THSD4: variants seen among roughly 807,000 people sequenced by gnomAD.
THSD4 encodes thrombospondin type-1 domain-containing protein 4.
A neutral mutation model predicts 119.0 loss-of-function variants in THSD4; 69 were observed. The observed-to-expected ratio is 0.58, with a 90% CI of 0.48 to 0.71. THSD4 has a LOEUF of 0.71. Among genes scored for constraint, THSD4 ranks in the 30% least tolerant of loss-of-function variants. The pLI is 0.00. For missense variants in THSD4, 1,393 were observed against 1,391.1 expected, an observed-to-expected ratio of 1.00 and a Z score of -0.02; for synonymous variants, 524 against 540.4, an observed-to-expected ratio of 0.97 and a Z score of 0.42.
chr15:71,245,518 CA>C (rs1184595696), intron 5 of THSD4, among the ~76,000 whole-genome samples: 2 of 152,108 alleles, frequency 1.3e-5, no homozygotes, highest in Admixed American at 1.3e-4. Context: ...ATTGAATAAA[CA>C]AAGCAAAATC....
rs149237020 is a variant in THSD4, at chr15:71,567,828, C to G, written c.1153-92702C>G. ...GTGTGTGGGTGTGTGTGTCTGTCTT[C>G]CCCATGAATCCCATCATGCTTGCTT... On this transcript the variant is annotated intron_variant, in intron 7 of 17. Coordinates refer to ENST00000261862, the MANE Select transcript of THSD4 (RefSeq NM_024817.3). Among the ~76,000 whole-genome samples, 8 of 152,040 alleles carry G rather than the reference C, an allele frequency of 5.3e-5. No homozygotes were observed. In the East Asian group the frequency reaches 1.5e-3, roughly 29 times the overall value.
At chr15:71,256,774 T>TG in intron 6 of THSD4, 59 bp downstream of exon 6, 8 of 1,487,488 alleles carry the variant, frequency 5.4e-6, no homozygotes, top group Non-Finnish European at 7.5e-6. Flanking sequence ...CCATTCTTGT[T>TG]GACTTCTGAT....
intron 7 of THSD4, among the ~76,000 whole-genome samples, chr15:71,446,218 G>GTTC (rs898155546): frequency 4.6e-5 from 7 of 152,252 alleles, no homozygotes; most frequent in Non-Finnish European, 8.8e-5. Context: ...TTTGTTCTTT[G>GTTC]TTCTTCTTCC....
intron 1 of THSD4, among the ~76,000 whole-genome samples, chr15:71,128,776 G>A (rs1267705411): frequency 1.3e-5 from 2 of 152,092 alleles, no homozygotes; most frequent in Non-Finnish European, 2.9e-5. Flanking sequence ...TAAAGGAGGG[G>A]GAATGAGTGT....
intron 7 of THSD4, among the ~76,000 whole-genome samples, chr15:71,538,622 G>A (rs2048717409): frequency 6.6e-6 from 1 of 152,156 alleles, no homozygotes; most frequent in Non-Finnish European, 1.5e-5. Context: ...GCATCCACAG[G>A]GCTTGTTATA....
chr15:71,464,727 T>C (rs998049498), intron 7 of THSD4, among the ~76,000 whole-genome samples: 1 of 152,220 alleles, frequency 6.6e-6, no homozygotes, highest in Non-Finnish European at 1.5e-5. Flanking sequence ...TCCTCTGCCA[T>C]AATTTTCCCA....
At position 71,242,703 on chromosome 15, in the gene THSD4, A is replaced by G. The variant is rs781146779; in HGVS notation, c.519A>G (p.Pro173=). ...GPGKYGYGKA[P]YILPLQTDTA... Reference sequence around the variant, plus strand: ...GCAAGTATGGCTATGGTAAGGCCCCATATATCTTACCACTGCAGACAGACA... The same window carrying G: ...GCAAGTATGGCTATGGTAAGGCCCCGTATATCTTACCACTGCAGACAGACA... Residue 173 remains proline (P), a synonymous_variant, in exon 5 of 18, where the codon CCA becomes CCG. Coordinates refer to ENST00000261862, the MANE Select transcript of THSD4 (RefSeq NM_024817.3). 1.1e-5 allele frequency: 18 copies of G among 1,614,016 alleles called. No homozygotes were observed. In the East Asian group the frequency reaches 3.8e-4, roughly 34 times the overall value.
chr15:71,366,303 C>T (rs4264350), intron 6 of THSD4, among the ~76,000 whole-genome samples: 58,325 of 151,938 alleles, frequency 0.38, 12,124 homozygotes, highest in East Asian at 0.64. Context: ...CTCGATCTCC[C>T]GTCCTCATGA....
chr15:71,200,116 C>T (rs530327262), intron 3 of THSD4, among the ~76,000 whole-genome samples: 3 of 152,170 alleles, frequency 2.0e-5, no homozygotes, highest in South Asian at 2.1e-4. Context: ...CATTTTCCAG[C>T]GCTCCCTGCA....
rs779207517 is a variant in THSD4 at position 71,277,128 on chromosome 15, C to CTTTTTTTTTT, written c.1015+20418_1015+20427dup. ...TATTTGTATTTGAATTCTTCTTCTT[C>CTTTTTTTTTT]TTTTTTTTTTTTTTGAAACGGAGTT... On this transcript the variant is annotated intron_variant, in intron 6 of 17. Coordinates refer to ENST00000261862, the MANE Select transcript of THSD4 (RefSeq NM_024817.3). Among the ~76,000 whole-genome samples, 25 of 123,002 alleles carry CTTTTTTTTTT rather than the reference C, an allele frequency of 2.0e-4. 2 individuals carry two copies. Among genetic ancestry groups the CTTTTTTTTTT allele is most frequent in the East Asian group, 5.4e-4 (2 of 3,698 alleles). 80.7% of individuals were successfully genotyped at this position (123,002 alleles called of 152,430 possible).
intron 7 of THSD4, among the ~76,000 whole-genome samples, chr15:71,628,710 A>G (rs1350488803): frequency 6.6e-6 from 1 of 152,224 alleles, no homozygotes; most frequent in African/African-American, 2.4e-5. Flanking sequence ...TCGAATCTTG[A>G]TCTTGATGGA....
intron 7 of THSD4, among the ~76,000 whole-genome samples, chr15:71,493,053 A>G (rs2047947302): frequency 6.6e-6 from 1 of 152,240 alleles, no homozygotes; most frequent in African/African-American, 2.4e-5. Flanking sequence ...CGACAAGAAG[A>G]TACTTCAGAG....
At chr15:71,282,192 C>G (rs2044660990) in intron 6 of THSD4, among the ~76,000 whole-genome samples, 1 of 152,120 alleles carries the variant, frequency 6.6e-6, no homozygotes, top group African/African-American at 2.4e-5. Flanking sequence ...TTTTATTCAA[C>G]TTTTCACATT....
chr15:71,181,182 A>C (rs74782411), intron 3 of THSD4, among the ~76,000 whole-genome samples: 3,896 of 152,332 alleles, frequency 0.026, 138 homozygotes, highest in Admixed American at 0.1. Flanking sequence ...GTGTTTGTCA[A>C]GCCTTCCGTT....
At chr15:71,245,883 C>T (rs1302765758) in intron 5 of THSD4, among the ~76,000 whole-genome samples, 2 of 152,106 alleles carry the variant, frequency 1.3e-5, no homozygotes, top group Non-Finnish European at 2.9e-5. Context: ...GCAAACAGGC[C>T]TTTCTAAGGG....
intron 1 of THSD4, among the ~76,000 whole-genome samples, chr15:71,122,260 C>A (rs573432600): frequency 5.3e-5 from 8 of 152,090 alleles, no homozygotes; most frequent in African/African-American, 1.9e-4. Context: ...TTATTTAATC[C>A]TCTCAACAAC....
chr15:71,623,926 GA>G (rs11450708), intron 7 of THSD4, among the ~76,000 whole-genome samples: 4,527 of 136,406 alleles, frequency 0.033, 192 homozygotes, highest in African/African-American at 0.093. Context: ...TCCCTCTCAA[GA>G]AAAAAAAAAA....
chr15:71,372,909 C>A (rs1037684718), intron 6 of THSD4, among the ~76,000 whole-genome samples: 2 of 152,256 alleles, frequency 1.3e-5, no homozygotes, highest in African/African-American at 4.8e-5. Context: ...CCTCCTTGAG[C>A]TGCGGTGGGC....
intron 4 of THSD4, among the ~76,000 whole-genome samples, chr15:71,229,795 A>G (rs542925346): frequency 3.9e-5 from 6 of 152,352 alleles, no homozygotes; most frequent in African/African-American, 1.2e-4. Context: ...CAAGGAAGAA[A>G]GCTATGCCTC....
Sources: gnomAD v4.1 joint callset for allele counts (sites outside exome capture counted in the v4.1 genomes callset) on GRCh38, gnomAD v4.1.1 for gene constraint, MANE v1.5 for transcripts, NCBI Gene and HGNC (gene_info 2026-07-23, HGNC 2026-07-21) for gene names.